Variants in DENND2C observed in about 807,000 individuals in gnomAD.
DENND2C encodes DENN domain containing 2C, also known as DENN domain-containing protein 2C.
Under a neutral mutation model 112.4 loss-of-function variants are expected in DENND2C, and 72 were observed. The ratio of observed to expected loss-of-function variants is 0.64; its 90% CI spans 0.53 to 0.78. DENND2C has a LOEUF of 0.78. Ranked by LOEUF, DENND2C falls within the 30% of genes least tolerant of loss-of-function variation. The probability of loss-of-function intolerance (pLI) is 0.00; values close to 1 mark genes in which losing one functional copy is unlikely to be tolerated. For synonymous variants in DENND2C, 329 were observed against 381.6 expected (o/e 0.86, Z 1.61); for missense variants, 992 against 1,113.8 (o/e 0.89, Z 1.56).
In DENND2C at chr1:114,654,642, T is replaced by C. The variant is rs1657256892; in HGVS notation, c.-454A>G. 6.6e-6 allele frequency: 1 copy of C among 151,866 alleles called. No homozygotes were observed. The highest frequency in any genetic ancestry group is 1.5e-5 in the Non-Finnish European group (1 of 68,016). The allele number at this position is 151,866 out of a possible 1,614,324, so 9.4% of individuals were successfully genotyped here. A position where few individuals can be genotyped will look rare whatever the true frequency, so the allele number is the denominator to read the frequency against. On this transcript the variant is annotated 5_prime_UTR_variant, in exon 2 of 21. Transcript: ENST00000393274. ...TGTGCCAATCACTTCAATCACACTA[T>C]CACAATTAATTTTCATAGCACCTCT...
In DENND2C at chr1:114,587,642, T is replaced by A. The variant is rs1440258427; in HGVS notation, c.2668+74A>T. The A allele has an allele frequency of 2.1e-6, 3 of 1,453,256 alleles. No individual in the cohort carries two copies. The East Asian group carries it at 6.9e-5, about 33-fold the overall frequency. 90.0% of individuals were successfully genotyped at this position (1,453,256 alleles called of 1,614,324 possible). On this transcript the variant is annotated intron_variant, in intron 19 of 20. Coordinates refer to ENST00000393274, the MANE Select transcript of DENND2C (RefSeq NM_001256404.2). ...TAAGCCCTTGTCGCTTTACAATACT[T>A]TTTATTCATAATATAGTAAAATCTT... is the stretch of plus-strand genomic sequence containing the variant.
rs190267234 is a variant in DENND2C, at chr1:114,655,948, G to A, written c.-573-1187C>T. ...TGCATATAGCAGTCGGTTTTTCTTCGTTTCTGTATACTATTTCATTTAATG... is the reference window on the plus strand; with the variant it reads ...TGCATATAGCAGTCGGTTTTTCTTCATTTCTGTATACTATTTCATTTAATG... On this transcript the variant is annotated intron_variant, in intron 1 of 20. Transcript: ENST00000393274. Among the ~76,000 whole-genome samples, 278 of 147,046 alleles carry A rather than the reference G, an allele frequency of 1.9e-3. 4 individuals are homozygous for A. Among genetic ancestry groups the A allele is most frequent in the Middle Eastern group, 7.1e-3 (2 of 280 alleles).
chr1:114,665,361 G>C (rs899392418), intron 1 of DENND2C, among the ~76,000 whole-genome samples: 2 of 151,780 alleles, frequency 1.3e-5, no homozygotes, highest in Non-Finnish European at 2.9e-5. Context: ...GAAGATCTAC[G>C]TTCTTGTGTA....
intron 8 of DENND2C, among the ~76,000 whole-genome samples, chr1:114,616,997 A>C (rs1337498977): frequency 6.6e-6 from 1 of 152,200 alleles, no homozygotes; most frequent in African/African-American, 2.4e-5. Context: ...AATCAGACGA[A>C]GCAAATGCAG....
At chr1:114,659,026 A>G (rs1291960946) in intron 1 of DENND2C, among the ~76,000 whole-genome samples, 1 of 152,190 alleles carries the variant, frequency 6.6e-6, no homozygotes, top group East Asian at 1.9e-4. Context: ...TCTTCTGGCT[A>G]AGATCAAGTG....
intron 8 of DENND2C, among the ~76,000 whole-genome samples, chr1:114,613,981 C>T (rs550375642): frequency 1.3e-5 from 2 of 151,974 alleles, no homozygotes; most frequent in East Asian, 3.9e-4. Flanking sequence ...ACCTATAATC[C>T]CAGCATTTTC....
At chr1:114,651,063 C>T (rs1392839149) in intron 2 of DENND2C, among the ~76,000 whole-genome samples, 3 of 151,226 alleles carry the variant, frequency 2.0e-5, no homozygotes, top group Non-Finnish European at 3.0e-5. Flanking sequence ...GAGCCGAGAT[C>T]GTGCTGCTGC....
At chr1:114,617,637 G>A (rs902004675) in intron 8 of DENND2C, among the ~76,000 whole-genome samples, 2 of 148,408 alleles carry the variant, frequency 1.3e-5, no homozygotes, top group Non-Finnish European at 3.0e-5. Flanking sequence ...ACTACAAGTT[G>A]AGTACCACAT....
rs1654974142 is a variant in DENND2C at position 114,583,932 on chromosome 1, A to G, written c.*1668T>C. The G allele has an allele frequency of 6.6e-6, 1 of 152,116 alleles. No homozygotes were observed. The highest frequency in any genetic ancestry group is 2.4e-5 in the African/African-American group (1 of 41,422). 9.4% of individuals were successfully genotyped at this position (152,116 alleles called of 1,614,324 possible). A position where few individuals can be genotyped will look rare whatever the true frequency, so the allele number is the denominator to read the frequency against. ...CTACTACTACTACTTTAGATATTAA[A>G]GGTCTGGATGACTAAGTGGTATATG... On this transcript the variant is annotated 3_prime_UTR_variant, in exon 21 of 21. Coordinates refer to ENST00000393274, the MANE Select transcript of DENND2C (RefSeq NM_001256404.2).
At chr1:114,646,406 A>G (rs1245035277) in intron 2 of DENND2C, among the ~76,000 whole-genome samples, 10 of 152,236 alleles carry the variant, frequency 6.6e-5, no homozygotes, top group Non-Finnish European at 1.2e-4. Context: ...ATACTTTTCC[A>G]TAACGTAATC....
chr1:114,589,159 G>C (rs1276355055), intron 18 of DENND2C, among the ~76,000 whole-genome samples: 1 of 152,004 alleles, frequency 6.6e-6, no homozygotes, highest in Non-Finnish European at 1.5e-5. Context: ...CAGGTCCCAG[G>C]CTCAAACTTC....
chr1:114,594,400 T>C (rs1162594132), intron 18 of DENND2C, 73 bp downstream of exon 18: 2 of 1,248,858 alleles, frequency 1.6e-6, no homozygotes, highest in South Asian at 1.2e-5. Flanking sequence ...TCCTTTAACA[T>C]AGTGCTGGGC....
intron 6 of DENND2C, among the ~76,000 whole-genome samples, chr1:114,622,436 T>C (rs1367200948): frequency 4.6e-5 from 7 of 152,154 alleles, no homozygotes; most frequent in Admixed American, 3.9e-4. Flanking sequence ...AGTTAATGCC[T>C]GTATTATCAT....
intron 8 of DENND2C, among the ~76,000 whole-genome samples, chr1:114,614,067 A>T (rs1185758321): frequency 6.6e-6 from 1 of 151,992 alleles, no homozygotes; most frequent in African/African-American, 2.4e-5. Flanking sequence ...TTTTGTCTCT[A>T]CGAAAAATTA....
intron 2 of DENND2C, 76 bp downstream of exon 2, chr1:114,654,429 C>T (rs546557559): frequency 6.6e-6 from 1 of 151,718 alleles, no homozygotes; most frequent in Non-Finnish European, 1.5e-5. Context: ...GGGAGACAGC[C>T]GTCTCAAAAA....
intron 16 of DENND2C, among the ~76,000 whole-genome samples, chr1:114,596,568 T>C (rs574632102): frequency 4.6e-5 from 7 of 152,232 alleles, no homozygotes; most frequent in South Asian, 2.1e-4. Context: ...GAGATTCACA[T>C]TGTAATATTT....
At chr1:114,634,978 A>T (rs1656612200) in intron 3 of DENND2C, among the ~76,000 whole-genome samples, 1 of 150,326 alleles carries the variant, frequency 6.7e-6, no homozygotes, top group South Asian at 2.1e-4. Context: ...CAGTGAGCCG[A>T]GATCATGCCA....
intron 9 of DENND2C, among the ~76,000 whole-genome samples, chr1:114,610,484 G>A (rs1347111501): frequency 1.3e-5 from 2 of 152,084 alleles, no homozygotes; most frequent in African/African-American, 2.4e-5. Context: ...GCAGATCAAC[G>A]AGGTCAGGAG....
At chr1:114,651,148 A>G (rs1279153115) in intron 2 of DENND2C, among the ~76,000 whole-genome samples, 2 of 151,782 alleles carry the variant, frequency 1.3e-5, no homozygotes, top group African/African-American at 2.4e-5. Flanking sequence ...ACAACAAAAC[A>G]TAGTAAGGGC....
Sources: gnomAD v4.1 joint callset for allele counts (sites outside exome capture counted in the v4.1 genomes callset) on GRCh38, gnomAD v4.1.1 for gene constraint, MANE v1.5 for transcripts, NCBI Gene and HGNC (gene_info 2026-07-23, HGNC 2026-07-21) for gene names.